The following AUTS2 variants were observed in gnomAD, a reference collection of about 807,000 sequenced individuals.
AUTS2 encodes activator of transcription and developmental regulator AUTS2.
AUTS2 carries 17 observed loss-of-function variants against 112.4 expected under a neutral mutation model. The observed-to-expected ratio is 0.15, with a 90% CI of 0.10 to 0.23. AUTS2 has a LOEUF of 0.23. AUTS2 is among the 10% of genes least tolerant of loss of function. The pLI, the probability that AUTS2 is intolerant of heterozygous loss-of-function variation, is 1.00. For synonymous variants in AUTS2, 751 were observed against 702.7 expected (o/e 1.07, Z -1.09); for missense variants, 1,510 against 1,701.6 (o/e 0.89, Z 1.98).
intron 2 of AUTS2, among the ~76,000 whole-genome samples, chr7:69,925,383 A>G (rs1396371702): frequency 6.6e-6 from 1 of 152,160 alleles, no homozygotes; most frequent in Non-Finnish European, 1.5e-5. Context: ...TTTTGATGCT[A>G]TAAATTTACC....
intron 4 of AUTS2, among the ~76,000 whole-genome samples, chr7:70,224,371 A>G (rs542648899): frequency 1.3e-5 from 2 of 151,532 alleles, no homozygotes; most frequent in African/African-American, 2.4e-5. Flanking sequence ...ATACAATACA[A>G]TACAATACAA....
intron 2 of AUTS2, among the ~76,000 whole-genome samples, chr7:70,048,212 A>G (rs1412473308): frequency 1.3e-5 from 2 of 152,152 alleles, no homozygotes; most frequent in African/African-American, 4.8e-5. Context: ...CTCATGCAAC[A>G]TGCATTCCTC....
chr7:69,802,355 C>T (rs1401771138), intron 1 of AUTS2, among the ~76,000 whole-genome samples: 1 of 152,130 alleles, frequency 6.6e-6, no homozygotes, highest in Non-Finnish European at 1.5e-5. Flanking sequence ...CTTGTTTTTC[C>T]TTCAGGGCAC....
At chr7:70,402,681 C>T (rs191243936) in intron 4 of AUTS2, among the ~76,000 whole-genome samples, 2 of 152,256 alleles carry the variant, frequency 1.3e-5, no homozygotes, top group African/African-American at 2.4e-5. Context: ...CAGTCTGTTG[C>T]TTCTTAACTG....
At chr7:69,712,111 C>T (rs1798355254) in intron 1 of AUTS2, among the ~76,000 whole-genome samples, 1 of 152,152 alleles carries the variant, frequency 6.6e-6, no homozygotes, top group African/African-American at 2.4e-5. Context: ...CATCATGGCA[C>T]TTACTGTGCT....
chr7:70,443,614 A>G (rs931962936), intron 5 of AUTS2, among the ~76,000 whole-genome samples: 1 of 152,178 alleles, frequency 6.6e-6, no homozygotes, highest in Non-Finnish European at 1.5e-5. Flanking sequence ...ATACTCGGGT[A>G]TATGTGTGTG....
intron 2 of AUTS2, among the ~76,000 whole-genome samples, chr7:69,957,020 G>T (rs371781804): frequency 6.6e-6 from 1 of 151,242 alleles, no homozygotes; most frequent in African/African-American, 2.4e-5. Flanking sequence ...GGATCACCAC[G>T]CCTGACTAAG....
At chr7:70,023,659 G>A (rs974981111) in intron 2 of AUTS2, among the ~76,000 whole-genome samples, 6 of 152,110 alleles carry the variant, frequency 3.9e-5, no homozygotes, top group African/African-American at 1.2e-4. Context: ...AGGATTCAAA[G>A]CAACATTCAT....
At chr7:69,889,267 A>G (rs1172157775) in intron 1 of AUTS2, among the ~76,000 whole-genome samples, 2 of 152,214 alleles carry the variant, frequency 1.3e-5, no homozygotes, top group Admixed American at 6.5e-5. Flanking sequence ...GAATTCTGGC[A>G]TGATGAAGTC....
At chr7:70,520,630 C>T (rs908079968) in intron 5 of AUTS2, among the ~76,000 whole-genome samples, 19 of 152,312 alleles carry the variant, frequency 1.2e-4, no homozygotes, top group Admixed American at 1.0e-3. Flanking sequence ...AAATTTCCTT[C>T]GCAGTACTTT....
chr7:69,800,230 T>A (rs993111412), intron 1 of AUTS2, among the ~76,000 whole-genome samples: 1 of 152,192 alleles, frequency 6.6e-6, no homozygotes, highest in Non-Finnish European at 1.5e-5. Flanking sequence ...GGATCAGCTT[T>A]AGGAAAGCCC....
intron 4 of AUTS2, among the ~76,000 whole-genome samples, chr7:70,176,556 C>A (rs770546720): frequency 6.6e-6 from 1 of 152,182 alleles, no homozygotes; most frequent in Non-Finnish European, 1.5e-5. Flanking sequence ...AATAATTAAC[C>A]TTCCTTGCTT....
intron 5 of AUTS2, among the ~76,000 whole-genome samples, chr7:70,611,258 G>A (rs1186394086): frequency 1.3e-5 from 2 of 152,174 alleles, no homozygotes; most frequent in Non-Finnish European, 2.9e-5. Context: ...GGGTATTAAC[G>A]AAAGAGTGAA....
At chr7:69,649,957 G>C (rs996339218) in intron 1 of AUTS2, among the ~76,000 whole-genome samples, 5 of 152,234 alleles carry the variant, frequency 3.3e-5, no homozygotes, top group Admixed American at 2.6e-4. Flanking sequence ...TCCTTTCTCT[G>C]CCCTTTTCCT....
intron 5 of AUTS2, among the ~76,000 whole-genome samples, chr7:70,664,916 A>G (rs1807249540): frequency 6.6e-6 from 1 of 152,126 alleles, no homozygotes; most frequent in South Asian, 2.1e-4. Flanking sequence ...TACCAAAAAT[A>G]TAAAAAATTA....
chr7:69,969,112 T>A (rs1019237141), intron 2 of AUTS2, among the ~76,000 whole-genome samples: 1 of 152,188 alleles, frequency 6.6e-6, no homozygotes, highest in Non-Finnish European at 1.5e-5. Context: ...TTTGCTGTTA[T>A]GAATTTTGAT....
chr7:69,953,271 G>C (rs1310874650), intron 2 of AUTS2, among the ~76,000 whole-genome samples: 1 of 152,112 alleles, frequency 6.6e-6, no homozygotes, highest in Non-Finnish European at 1.5e-5. Context: ...CTTCCACGTG[G>C]TGATTCTTTC....
chr7:70,702,468 A>T (rs1330420373), intron 6 of AUTS2, among the ~76,000 whole-genome samples: 3 of 152,188 alleles, frequency 2.0e-5, no homozygotes, highest in African/African-American at 7.2e-5. Context: ...TTACCCCGTG[A>T]CTTTCTCACC....
chr7:70,159,993 T>TTTCTAGTTTTAGAGCTCTTAC (rs1562749826), intron 4 of AUTS2, among the ~76,000 whole-genome samples: 1 of 152,162 alleles, frequency 6.6e-6, no homozygotes, highest in African/African-American at 2.4e-5. Context: ...ATATCCCTTA[T>TTTCTAGTTTTAGAGCTCTTAC]TTCTAGTTTT....
Sources: allele counts gnomAD v4.1 joint callset (sites outside exome capture counted in the v4.1 genomes callset), GRCh38; gene constraint gnomAD v4.1.1; transcripts MANE v1.5; gene names NCBI Gene and HGNC (gene_info 2026-07-23, HGNC 2026-07-21).